MCM7: variants seen among roughly 807,000 people sequenced by gnomAD.
MCM7 encodes minichromosome maintenance complex component 7.
In MCM7, 95 loss-of-function variants were observed where a neutral mutation model predicts 83.5. The observed-to-expected ratio is 1.14, with a 90% CI of 0.96 to 1.35. The LOEUF (loss-of-function observed/expected upper bound fraction) is 1.35, where lower values mean the gene tolerates loss of function less well. MCM7 is among the 40% of genes most tolerant of loss of function. The pLI is 0.00. For missense variants in MCM7, 1,087 were observed against 957.4 expected, an observed-to-expected ratio of 1.14 and a Z score of -1.79; for synonymous variants, 461 against 352.7, an observed-to-expected ratio of 1.31 and a Z score of -3.44.
At chr7:100,101,105 C>A in intron 1 of MCM7, 159 bp downstream of exon 1, 2 of 874,818 alleles carry the variant, frequency 2.3e-6, no homozygotes, top group South Asian at 1.6e-5. Flanking sequence ...GCTTCCCAGG[C>A]CCCGTGGGCC....
intron 7 of MCM7, 29 bp downstream of exon 7, chr7:100,098,112 T>G (rs1240408932): frequency 1.9e-6 from 3 of 1,612,062 alleles, no homozygotes; most frequent in African/African-American, 1.3e-5. Context: ...AAGGGGATGA[T>G]CCATTCCTCA....
chr7:100,101,117 T>C (rs894744467), intron 1 of MCM7, 147 bp downstream of exon 1: 8 of 1,002,594 alleles, frequency 8.0e-6, no homozygotes, highest in Non-Finnish European at 1.2e-5. Flanking sequence ...CCGTGGGCCT[T>C]AGCCAGGCCG....
In MCM7 at chr7:100,101,383, C is replaced by T; in HGVS notation, c.-89G>A. The T allele has an allele frequency of 7.6e-6, 12 of 1,571,936 alleles. No individual in the cohort carries two copies. The highest frequency in any genetic ancestry group is 1.0e-5 in the Non-Finnish European group (12 of 1,150,464). On this transcript the variant is annotated 5_prime_UTR_variant, in exon 1 of 15. Coordinates refer to ENST00000303887, the MANE Select transcript of MCM7 (RefSeq NM_005916.5). ...GAATCTCCGCGCGGTGGACTGTGGC[C>T]GGCCAACCGAAATTGGCGCGAAACG... is the stretch of plus-strand genomic sequence containing the variant.
At position 100,099,554 on chromosome 7, in the gene MCM7, C is replaced by T. The variant is rs1233827668; in HGVS notation, c.276+35G>A. 15 of 1,609,124 alleles carry T rather than the reference C, an allele frequency of 9.3e-6. No individual in the cohort carries two copies. In the African/African-American group the frequency reaches 1.1e-4, roughly 11 times the overall value. Reference sequence around the variant, plus strand: ...CCTCTCTACAGAAGCTTAAACGCCTCGCCCTTTGTTTGCCATTGTTCTCTA... The same window carrying T: ...CCTCTCTACAGAAGCTTAAACGCCTTGCCCTTTGTTTGCCATTGTTCTCTA... On this transcript the variant is annotated intron_variant, in intron 3 of 14. Coordinates refer to ENST00000303887, the MANE Select transcript of MCM7 (RefSeq NM_005916.5).
At chr7:100,098,541 C>G in intron 6 of MCM7, 37 bp downstream of exon 6, 2 of 1,611,778 alleles carry the variant, frequency 1.2e-6, no homozygotes, top group Non-Finnish European at 1.7e-6. Context: ...AGTGGACTCC[C>G]GATCCACCTG....
intron 7 of MCM7, 78 bp downstream of exon 7, chr7:100,098,063 C>T (rs1795738016): frequency 1.3e-6 from 2 of 1,586,664 alleles, no homozygotes; most frequent in African/African-American, 2.7e-5. Context: ...GGTTTTGCTG[C>T]TCTTTTCTCT....
Position 100,098,140 on chromosome 7 carries a change from C to A in MCM7, c.870+1G>T. Reference sequence around the variant, plus strand: ...ATTCCTCATGTCAAACTCTTCCTTACCTGTACCACCTGTCGGAACCCAGTG... The same window carrying A: ...ATTCCTCATGTCAAACTCTTCCTTAACTGTACCACCTGTCGGAACCCAGTG... On this transcript the variant is annotated splice_donor_variant, in intron 7 of 14. Coordinates refer to ENST00000303887, the MANE Select transcript of MCM7 (RefSeq NM_005916.5). LOFTEE classifies it high-confidence loss of function. The A allele has an allele frequency of 1.2e-6, 2 of 1,613,942 alleles. No individual in the cohort carries two copies. Among genetic ancestry groups the A allele is most frequent in the Non-Finnish European group, 1.7e-6 (2 of 1,179,906 alleles).
intron 13 of MCM7, chr7:100,093,861 G>A (rs550220431): frequency 1.5e-4 from 94 of 643,900 alleles, no homozygotes; most frequent in Admixed American, 1.5e-3. Context: ...TGAGGTCCAA[G>A]ACGGGAGGAC....
Position 100,098,201 on chromosome 7 carries a change from G to A in MCM7, c.810C>T (p.His270=), listed in dbSNP as rs752750268. The A allele has an allele frequency of 9.3e-6, 15 of 1,613,978 alleles. No homozygotes were observed. The highest frequency in any genetic ancestry group is 1.3e-5 in the African/African-American group (1 of 74,902). Residue 270 remains histidine (H), a synonymous_variant, in exon 7 of 15, where the codon CAC becomes CAT. Coordinates refer to ENST00000303887, the MANE Select transcript of MCM7 (RefSeq NM_005916.5). ...ENTRIAQPGD[H]VSVTGIFLPI... ...GCAAGAAAATACCAGTGACGCTGAC[G>A]TGGTCTCCAGGCTGGGCAATCCTTG...
chr7:100,093,327 C>T lies in MCM7; in HGVS notation c.1923G>A (p.Lys641=). ...GCCCCTTGTCTCCTAGAAGAGAGTCCTTTGACATCTCCATTAGCCTGATGG... is the reference window on the plus strand; with the variant it reads ...GCCCCTTGTCTCCTAGAAGAGAGTCTTTTGACATCTCCATTAGCCTGATGG... The part of the protein sequence containing the change: ...NEAIRLMEMS[K]DSLLGDKGQT... The change falls in exon 14 of 15, where the codon AAG becomes AAA. Residue 641 remains lysine, a synonymous_variant. Transcript: ENST00000303887. 11 of 1,614,088 alleles carry T rather than the reference C, an allele frequency of 6.8e-6. No individual in the cohort carries two copies. Among genetic ancestry groups the T allele is most frequent in the Non-Finnish European group, 9.3e-6 (11 of 1,180,030 alleles).
rs775177866 is a variant in MCM7, at chr7:100,100,073, G to T, written c.52C>A (p.Gln18Lys). ...LEKEKVKKFL[Q>K]EFYQDDELGK... ...AGTTCATCATCCTGGTAGAACTCTT[G>T]TAAGAACTTCTTAACCTTTTCTGTA... Residue 18 changes from glutamine (Q) to lysine (K), a missense_variant, in exon 2 of 15, where the codon CAA becomes AAA. By Grantham distance (53) the Gln-to-Lys change is moderately conservative. Transcript: ENST00000303887. The T allele has an allele frequency of 5.0e-6, 8 of 1,613,978 alleles. No homozygotes were observed. Among genetic ancestry groups the T allele is most frequent in the Admixed American group, 1.7e-5 (1 of 59,990 alleles).
intron 10 of MCM7, among the ~76,000 whole-genome samples, chr7:100,096,537 C>T (rs967575096): frequency 2.0e-5 from 3 of 152,174 alleles, no homozygotes; most frequent in Admixed American, 6.5e-5. Flanking sequence ...TTTCGGAGGC[C>T]GATAACAAGG....
At position 100,097,631 on chromosome 7, in the gene MCM7, C is replaced by T. The variant is rs749934918; in HGVS notation, c.1100G>A (p.Arg367Gln). ...CTTCTTACCCCGGATTTTCATGCCT[C>T]GAGGAGACTGGTCCACACCCCCGAC... ...LLVGGVDQSP[R>Q]GMKIRGNINI... The change falls in exon 9 of 15, where the codon CGA becomes CAA. Residue 367 changes from arginine (R) to glutamine (Q), a missense_variant. Transcript: ENST00000303887. The T allele has an allele frequency of 2.3e-5, 37 of 1,613,844 alleles. No homozygotes were observed. The highest frequency in any genetic ancestry group is 2.7e-5 in the African/African-American group (2 of 74,896).
At chr7:100,098,478 C>A in intron 6 of MCM7, 100 bp downstream of exon 6, 1 of 1,562,954 alleles carries the variant, frequency 6.4e-7, no homozygotes, top group Non-Finnish European at 8.7e-7. Flanking sequence ...TCCTGCACTT[C>A]CCTCTTTTGT....
chr7:100,098,907 G>C (rs1036152256), intron 5 of MCM7, 116 bp downstream of exon 5: 16 of 1,441,206 alleles, frequency 1.1e-5, no homozygotes, highest in Middle Eastern at 2.0e-4. Context: ...AGAATGAAAG[G>C]CGAACACACA....
chr7:100,092,900 AAG>A lies in MCM7; in HGVS notation c.*30_*31del, dbSNP rs756077682. The A allele has an allele frequency of 1.9e-6, 3 of 1,613,734 alleles. No individual in the cohort carries two copies. In the South Asian group the frequency reaches 3.3e-5, roughly 18 times the overall value. Reference sequence around the variant, plus strand: ...CCCAAGGGGCAGGCCAGCAGGGAACAAGAGGACCCCAGGGTTGCAAGCAGGCT... The same window carrying A: ...CCCAAGGGGCAGGCCAGCAGGGAACAAGGACCCCAGGGTTGCAAGCAGGCT... On this transcript the variant is annotated 3_prime_UTR_variant, in exon 15 of 15. Coordinates refer to ENST00000303887, the MANE Select transcript of MCM7 (RefSeq NM_005916.5).
In MCM7 at chr7:100,095,400, T is replaced by C. The variant is rs774524488; in HGVS notation, c.1666A>G (p.Met556Val). 3.1e-6 allele frequency: 5 copies of C among 1,613,332 alleles called. No homozygotes were observed. Among genetic ancestry groups the C allele is most frequent in the Admixed American group, 3.3e-5 (2 of 59,870 alleles). ...QPPSQFEPLDMKLMRRYIAMC... is the reference protein window; with the variant it reads ...QPPSQFEPLDVKLMRRYIAMC... The stretch of plus-strand genomic sequence containing the variant: ...CAGCTCTCCTACCTCATGAGCTTCA[T>C]GTCCAGAGGTTCAAACTGGGAGGGG... The change falls in exon 12 of 15, where the codon ATG (methionine) becomes GTG (valine). Residue 556 changes from methionine to valine, a missense_variant. Coordinates refer to ENST00000303887, the MANE Select transcript of MCM7 (RefSeq NM_005916.5).
At chr7:100,100,636 G>A (rs1251022754) in intron 1 of MCM7, 3 of 989,640 alleles carry the variant, frequency 3.0e-6, no homozygotes, top group Middle Eastern at 5.2e-4. Flanking sequence ...CAGAGACACC[G>A]CGATCCCAGC....
chr7:100,096,101 A>C lies in MCM7; in HGVS notation c.1268T>G (p.Val423Gly). ...ACCCTCTAAGGTCAGTTCTCCACTC[A>C]CGGAGTCTCTCAGCACAGCTGCCGT... is the stretch of plus-strand genomic sequence containing the variant. Reference protein sequence around the residue: ...GLTAAVLRDSVSGELTLEGGA... With the variant: ...GLTAAVLRDSGSGELTLEGGA... The change falls in exon 11 of 15, where the codon GTG (valine) becomes GGG (glycine). Residue 423 changes from valine to glycine, a missense_variant. Coordinates refer to ENST00000303887, the MANE Select transcript of MCM7 (RefSeq NM_005916.5). 11 of 1,613,936 alleles carry C rather than the reference A, an allele frequency of 6.8e-6. No homozygotes were observed. The highest frequency in any genetic ancestry group is 1.3e-5 in the African/African-American group (1 of 75,004).
Sources: allele counts gnomAD v4.1 joint callset (sites outside exome capture counted in the v4.1 genomes callset), GRCh38; gene constraint gnomAD v4.1.1; transcripts MANE v1.5; gene names NCBI Gene and HGNC (gene_info 2026-07-23, HGNC 2026-07-21).